The following MAST4 variants were observed in gnomAD, a reference collection of about 807,000 sequenced individuals.
MAST4 encodes microtubule-associated serine/threonine-protein kinase 4.
In MAST4, 89 loss-of-function variants were observed where a neutral mutation model predicts 162.7. The observed-to-expected ratio is 0.55, with a 90% CI of 0.46 to 0.65. MAST4 has a LOEUF of 0.65. MAST4 is among the 30% of genes least tolerant of loss of function. The pLI is 0.00. For synonymous variants in MAST4, 1,479 were observed against 1,361.1 expected, an observed-to-expected ratio of 1.09 and a Z score of -1.91; for missense variants, 3,153 against 3,374.0, an observed-to-expected ratio of 0.93 and a Z score of 1.62.
chr5:66,675,827 G>A (rs1467333668), intron 1 of MAST4, among the ~76,000 whole-genome samples: 4 of 152,186 alleles, frequency 2.6e-5, no homozygotes, highest in Non-Finnish European at 5.9e-5. Flanking sequence ...CACCAGCTGC[G>A]TCTACATGAT....
intron 1 of MAST4, among the ~76,000 whole-genome samples, chr5:66,758,110 G>T (rs374704576): frequency 6.7e-6 from 1 of 149,902 alleles, no homozygotes; most frequent in South Asian, 2.1e-4. Context: ...TTTTCCTACT[G>T]ATCTGGCTTT....
In MAST4 at chr5:67,148,539, C is replaced by T. The variant is rs571248860; in HGVS notation, c.3095-850C>T. Among the ~76,000 whole-genome samples the T allele has an allele frequency of 4.6e-5, 7 of 152,202 alleles. No homozygotes were observed. In the East Asian group the frequency reaches 5.8e-4, roughly 13 times the overall value. ...TCCATATTTATCCTCTCTTACGCTC[C>T]GTTGTTGAGGGAAGCCCTAATTTTT... On this transcript the variant is annotated intron_variant, in intron 23 of 28. Transcript: ENST00000403625.
At chr5:66,973,532 C>T (rs1317604970) in intron 4 of MAST4, among the ~76,000 whole-genome samples, 10 of 152,118 alleles carry the variant, frequency 6.6e-5, no homozygotes, top group African/African-American at 2.2e-4. Context: ...AGCATCACAC[C>T]AGGAAGTCCA....
intron 1 of MAST4, among the ~76,000 whole-genome samples, chr5:66,597,727 AT>A (rs1742292129): frequency 6.6e-6 from 1 of 152,190 alleles, no homozygotes; most frequent in African/African-American, 2.4e-5. Context: ...GGGGATCTGT[AT>A]CTGCCCAGTT....
At chr5:66,804,119 G>A (rs1406026881) in intron 3 of MAST4, among the ~76,000 whole-genome samples, 1 of 152,056 alleles carries the variant, frequency 6.6e-6, no homozygotes, top group Admixed American at 6.6e-5. Flanking sequence ...CATGCATTTG[G>A]TTTATTAATA....
intron 4 of MAST4, among the ~76,000 whole-genome samples, chr5:67,011,626 C>T (rs988747768): frequency 3.3e-5 from 5 of 152,196 alleles, no homozygotes; most frequent in African/African-American, 1.2e-4. Flanking sequence ...GCTCCAAGCC[C>T]AGAGCTTCCA....
chr5:67,156,084 G>A (rs1041201672), intron 26 of MAST4, among the ~76,000 whole-genome samples: 3 of 149,900 alleles, frequency 2.0e-5, no homozygotes, highest in South Asian at 2.1e-4. Flanking sequence ...AAAAAGACAC[G>A]TAAGGATAAT....
rs368915274 is a variant in MAST4, at chr5:67,165,036, C to A, written c.5857C>A (p.Pro1953Thr). The change falls in exon 29 of 29, where the codon CCA becomes ACA. Residue 1953 changes from proline (P) to threonine (T), a missense_variant. Transcript: ENST00000403625. ...QNLHSPDLAR[P>T]RCPLPPEASP... is the part of the protein sequence containing the mutation. Reference sequence around the variant, plus strand: ...CCTCCACAGCCCTGACCTGGCCAGGCCACGCTGCCCGCTCCCACCTGAAGC... The same window carrying A: ...CCTCCACAGCCCTGACCTGGCCAGGACACGCTGCCCGCTCCCACCTGAAGC... The A allele has an allele frequency of 3.5e-5, 56 of 1,609,838 alleles. No individual in the cohort carries two copies. Among genetic ancestry groups the A allele is most frequent in the Middle Eastern group, 3.3e-4 (2 of 6,080 alleles).
intron 12 of MAST4, 87 bp from the exon 13 acceptor site, chr5:67,118,595 G>C: frequency 1.2e-6 from 1 of 810,678 alleles, no homozygotes; most frequent in East Asian, 2.7e-5. Flanking sequence ...TAATATGGGA[G>C]AAACTATTTT....
At position 67,166,839 on chromosome 5, in the gene MAST4, A is replaced by G; in HGVS notation, c.7660A>G (p.Thr2554Ala). ...CCACCGGGACAGGGCTCTCTCGGTGACTGCCACCGTAGGGGAAACCAAAGG... is the reference window on the plus strand; with the variant it reads ...CCACCGGGACAGGGCTCTCTCGGTGGCTGCCACCGTAGGGGAAACCAAAGG... ...ASHRDRALSV[T>A]ATVGETKGKD... is the part of the protein sequence containing the mutation. The change falls in exon 29 of 29, where the codon ACT becomes GCT. Residue 2554 changes from threonine (T) to alanine (A), a missense_variant. This residue lies in a region of MAST4 where 1,644 missense variants were observed against 1,495.0 expected (regional missense o/e 1.10). Coordinates refer to ENST00000403625, the MANE Select transcript of MAST4 (RefSeq NM_001164664.2). 6.2e-7 allele frequency: 1 copy of G among 1,603,572 alleles called. No individual in the cohort carries two copies. The highest frequency in any genetic ancestry group is 8.5e-7 in the Non-Finnish European group (1 of 1,175,698).
chr5:67,089,347 G>A (rs1218394323), intron 5 of MAST4, among the ~76,000 whole-genome samples: 1 of 152,168 alleles, frequency 6.6e-6, no homozygotes, highest in Non-Finnish European at 1.5e-5. Context: ...GGTTGAGTGG[G>A]CTAATGGAGA....
intron 5 of MAST4, among the ~76,000 whole-genome samples, chr5:67,088,314 G>C (rs1046614111): frequency 1.6e-4 from 24 of 152,302 alleles, no homozygotes; most frequent in East Asian, 5.8e-4. Context: ...GAGTGAATAA[G>C]TGTAGCAGGG....
intron 4 of MAST4, among the ~76,000 whole-genome samples, chr5:67,049,610 T>C (rs1020374600): frequency 1.3e-5 from 2 of 152,184 alleles, no homozygotes; most frequent in Non-Finnish European, 2.9e-5. Context: ...TAGGACGATG[T>C]AATAATTCTA....
chr5:67,056,507 A>T (rs1254347940), intron 5 of MAST4, among the ~76,000 whole-genome samples: 1 of 152,186 alleles, frequency 6.6e-6, no homozygotes, highest in Non-Finnish European at 1.5e-5. Flanking sequence ...CTGTTGATTC[A>T]TCTTTTATAG....
At chr5:66,693,801 G>C (rs1253869853) in intron 1 of MAST4, among the ~76,000 whole-genome samples, 1 of 151,952 alleles carries the variant, frequency 6.6e-6, no homozygotes, top group Non-Finnish European at 1.5e-5. Context: ...AAAAAAAACT[G>C]TAAGTGTACA....
At chr5:66,678,851 G>A (rs904778781) in intron 1 of MAST4, among the ~76,000 whole-genome samples, 2 of 149,284 alleles carry the variant, frequency 1.3e-5, no homozygotes, top group Non-Finnish European at 3.0e-5. Context: ...GAGTGCAGTG[G>A]CATGATCTCT....
intron 3 of MAST4, among the ~76,000 whole-genome samples, chr5:66,881,046 T>C (rs1469903066): frequency 2.6e-5 from 4 of 152,236 alleles, no homozygotes; most frequent in African/African-American, 7.2e-5. Context: ...ACAGATTGAC[T>C]CTACTCATGT....
At chr5:66,965,632 A>G (rs1275677332) in intron 4 of MAST4, among the ~76,000 whole-genome samples, 3 of 151,668 alleles carry the variant, frequency 2.0e-5, no homozygotes, top group Admixed American at 2.0e-4. Flanking sequence ...AGAAAAAAAA[A>G]TCTAGGATGT....
chr5:66,917,593 TC>T (rs1237124817), intron 4 of MAST4, among the ~76,000 whole-genome samples: 5 of 76,958 alleles, frequency 6.5e-5, no homozygotes, highest in East Asian at 2.6e-4. Flanking sequence ...GGATTCTCTT[TC>T]TTTTTTTTTT....
Sources: gnomAD v4.1 joint callset for allele counts (sites outside exome capture counted in the v4.1 genomes callset) on GRCh38, gnomAD v4.1.1 for gene constraint, gnomAD v4.1.1 regional missense constraint, MANE v1.5 for transcripts, NCBI Gene and HGNC (gene_info 2026-07-23, HGNC 2026-07-21) for gene names.